ARHGAP6: variants seen among roughly 807,000 people sequenced by gnomAD.
ARHGAP6 encodes Rho GTPase activating protein 6.
A neutral mutation model predicts 55.7 loss-of-function variants in ARHGAP6; 16 were observed. The observed-to-expected ratio is 0.29, with a 90% CI of 0.19 to 0.44. ARHGAP6 has a LOEUF of 0.44. Ranked by LOEUF, ARHGAP6 falls within the 20% of genes least tolerant of loss-of-function variation. The pLI is 1.00. For missense variants in ARHGAP6, 698 were observed against 808.9 expected (o/e 0.86, Z 1.66); for synonymous variants, 382 against 360.9 (o/e 1.06, Z -0.66).
chrX:11,599,836 T>C (rs1601687000), intron 1 of ARHGAP6, among the ~76,000 whole-genome samples: 1 of 112,339 alleles, frequency 8.9e-6, no homozygotes, highest in African/African-American at 3.2e-5. Context: ...AACTTGACTG[T>C]AGTGATTACT....
intron 1 of ARHGAP6, among the ~76,000 whole-genome samples, chrX:11,495,847 A>T (rs905006458): frequency 8.9e-6 from 1 of 112,735 alleles, no homozygotes; most frequent in African/African-American, 3.2e-5. Context: ...TTGACAGTTG[A>T]TTCTGCTGTT....
chrX:11,469,165 C>T (rs937046881), intron 1 of ARHGAP6, among the ~76,000 whole-genome samples: 1 of 112,533 alleles, frequency 8.9e-6, no homozygotes, highest in Non-Finnish European at 1.9e-5. Context: ...CTGGCTAAGA[C>T]ACAACAAAAA....
chrX:11,554,344 A>C (rs1197570493), intron 1 of ARHGAP6, among the ~76,000 whole-genome samples: 1 of 112,015 alleles, frequency 8.9e-6, no homozygotes. Context: ...GCAAACATAC[A>C]GTTAGATAGA....
At chrX:11,320,633 A>G (rs1047922564) in intron 1 of ARHGAP6, among the ~76,000 whole-genome samples, 3 of 110,996 alleles carry the variant, frequency 2.7e-5, no homozygotes, top group Non-Finnish European at 5.7e-5. Context: ...TATAAATTAC[A>G]GCCACCTACA....
At chrX:11,541,799 A>G (rs191595285) in intron 1 of ARHGAP6, among the ~76,000 whole-genome samples, 1 of 112,375 alleles carries the variant, frequency 8.9e-6, no homozygotes, top group Admixed American at 9.4e-5. Context: ...TATCTGTGAA[A>G]TGGGGATAAT....
chrX:11,178,734 C>T (rs1010097299), intron 7 of ARHGAP6, among the ~76,000 whole-genome samples: 2 of 112,378 alleles, frequency 1.8e-5, no homozygotes, highest in Non-Finnish European at 3.8e-5. Context: ...TGTCTTCTCT[C>T]TCCGTTGTGA....
intron 2 of ARHGAP6, among the ~76,000 whole-genome samples, chrX:11,211,648 ATTC>A (rs933265033): frequency 1.1e-4 from 12 of 110,364 alleles, no homozygotes; most frequent in Admixed American, 8.7e-4. Flanking sequence ...GGTTCAAGCT[ATTC>A]TTCTGCCTCA....
At chrX:11,418,939 C>A (rs769848571) in intron 1 of ARHGAP6, among the ~76,000 whole-genome samples, 3 of 112,110 alleles carry the variant, frequency 2.7e-5, no homozygotes, top group African/African-American at 6.5e-5. Context: ...ACCGACCCCC[C>A]CTCCCGCCAG....
intron 10 of ARHGAP6, among the ~76,000 whole-genome samples, chrX:11,145,379 G>A (rs777346330): frequency 5.4e-5 from 6 of 111,789 alleles, no homozygotes; most frequent in South Asian, 7.5e-4. Context: ...TAATATCGCC[G>A]GGAAAAACAT....
At chrX:11,199,124 C>T (rs2046584232) in intron 2 of ARHGAP6, among the ~76,000 whole-genome samples, 1 of 112,005 alleles carries the variant, frequency 8.9e-6, no homozygotes, top group Non-Finnish European at 1.9e-5. Context: ...TAGATCATTC[C>T]TTTTGATTGC....
At chrX:11,658,871 G>A (rs374186354) in intron 1 of ARHGAP6, among the ~76,000 whole-genome samples, 3 of 109,650 alleles carry the variant, frequency 2.7e-5, no homozygotes, top group East Asian at 5.7e-4. Context: ...GGGCTGTTGT[G>A]TGTGTTGTGG....
chrX:11,417,084 A>ATATATAT (rs2049760087), intron 1 of ARHGAP6, among the ~76,000 whole-genome samples: 1 of 81,069 alleles, frequency 1.2e-5, no homozygotes, highest in African/African-American at 4.7e-5. Context: ...ATATATATAT[A>ATATATAT]TATATATATA....
chrX:11,502,377 A>G (rs1194123961), intron 1 of ARHGAP6, among the ~76,000 whole-genome samples: 1 of 112,366 alleles, frequency 8.9e-6, no homozygotes, highest in African/African-American at 3.2e-5. Flanking sequence ...CTGGAGTTCT[A>G]TTTCTCATGA....
chrX:11,603,051 T>C (rs999445003), intron 1 of ARHGAP6, among the ~76,000 whole-genome samples: 1 of 112,095 alleles, frequency 8.9e-6, no homozygotes, highest in South Asian at 3.7e-4. Context: ...TTCGTCAGCA[T>C]GGCATTGATT....
At position 11,402,155 on chromosome X, in the gene ARHGAP6, T is replaced by C. The variant is rs1443226727; in HGVS notation, c.589-147448A>G. On this transcript the variant is annotated intron_variant, in intron 1 of 12. Transcript: ENST00000337414. ...AGTTGGGATTTGAAACCATGCCTGA[T>C]TCCAAACACAAACCCAAAGTACAAC... 6.2e-5 allele frequency among the ~76,000 whole-genome samples: 7 copies of C among 112,115 alleles called. No homozygotes were observed. The Admixed American group carries it at 6.6e-4, about 11-fold the overall frequency.
Position 11,505,962 on chromosome X carries a change from A to G in ARHGAP6, c.588+158279T>C, listed in dbSNP as rs61558018. Among the ~76,000 whole-genome samples, 708 of 111,184 alleles carry G rather than the reference A, an allele frequency of 6.4e-3. 7 individuals carry two copies. The highest frequency in any genetic ancestry group is 0.022 in the African/African-American group (671 of 30,554). On this transcript the variant is annotated intron_variant, in intron 1 of 12. Transcript: ENST00000337414. ...ACTATGCTTATTACCTGGGTGATGG[A>G]ATAGTCTGTACAACAAACCGCTATA...
chrX:11,320,601 T>C (rs2048419805), intron 1 of ARHGAP6, among the ~76,000 whole-genome samples: 1 of 111,052 alleles, frequency 9.0e-6, no homozygotes, highest in African/African-American at 3.3e-5. Context: ...CCAGGGATGA[T>C]GAATTTTACT....
chrX:11,143,778 C>T, intron 11 of ARHGAP6: 1 of 1,143,454 alleles, frequency 8.7e-7, no homozygotes, highest in African/African-American at 1.8e-5. Context: ...CAGGGACCCT[C>T]CCAGCCAACG....
Position 11,511,053 on chromosome X carries a change from T to G in ARHGAP6, c.588+153188A>C, listed in dbSNP as rs762881784. Among the ~76,000 whole-genome samples, 125 of 111,775 alleles carry G rather than the reference T, an allele frequency of 1.1e-3. 1 individual carries two copies. The highest frequency in any genetic ancestry group is 4.0e-3 in the African/African-American group (123 of 30,791). On this transcript the variant is annotated intron_variant, in intron 1 of 12. Transcript: ENST00000337414. Reference sequence around the variant, plus strand: ...CACCAAGTTTTGAAGTGGTTTACTATGCAGCAATATGTAAGTGATTTTCCC... The same window carrying G: ...CACCAAGTTTTGAAGTGGTTTACTAGGCAGCAATATGTAAGTGATTTTCCC...
Sources: gnomAD v4.1 joint callset for allele counts (sites outside exome capture counted in the v4.1 genomes callset) on GRCh38, gnomAD v4.1.1 for gene constraint, MANE v1.5 for transcripts, NCBI Gene and HGNC (gene_info 2026-07-23, HGNC 2026-07-21) for gene names.